CASP8: variants seen among roughly 807,000 people sequenced by gnomAD.
The protein encoded by CASP8 is caspase 8.
In CASP8, 24 loss-of-function variants were observed where a neutral mutation model predicts 46.3. The observed-to-expected ratio is 0.52, with a 90% CI of 0.38 to 0.73. The LOEUF (loss-of-function observed/expected upper bound fraction) is 0.73, where lower values mean the gene tolerates loss of function less well. Ranked by LOEUF, CASP8 falls within the 30% of genes least tolerant of loss-of-function variation. The probability of loss-of-function intolerance (pLI) is 0.00; values close to 1 mark genes in which losing one functional copy is unlikely to be tolerated. For synonymous variants in CASP8, 188 were observed against 200.4 expected (o/e 0.94, Z 0.52); for missense variants, 460 against 559.0 (o/e 0.82, Z 1.79).
Position 201,272,744 on chromosome 2 carries a change from A to G in CASP8, c.518A>G (p.Lys173Arg), listed in dbSNP as rs538291351. ...GCCCAAATCAACAAGAGCCTGCTGA[A>G]GATAATCAACGACTATGAAGAATTC... is the stretch of plus-strand genomic sequence containing the variant. ...VCAQINKSLLKIINDYEEFSK... is the reference protein window; with the variant it reads ...VCAQINKSLLRIINDYEEFSK... The change falls in exon 4 of 9, where the codon AAG (lysine) becomes AGG (arginine). Residue 173 changes from lysine (K) to arginine (R), a missense_variant. Transcript: ENST00000673742. The surrounding 1 kb of genome is among the most constrained non-coding windows in gnomAD (Gnocchi z 4.4). The G allele has an allele frequency of 1.9e-6, 3 of 1,614,200 alleles. No homozygotes were observed. The African/African-American group carries it at 4.0e-5, about 22-fold the overall frequency.
chr2:201,272,754 C>G lies in CASP8; in HGVS notation c.528C>G (p.Asn176Lys), dbSNP rs774015258. The G allele has an allele frequency of 6.2e-7, 1 of 1,614,112 alleles. No homozygotes were observed. Among genetic ancestry groups the G allele is most frequent in the Non-Finnish European group, 8.5e-7 (1 of 1,180,014 alleles). Residue 176 changes from asparagine to lysine, a missense_variant, in exon 4 of 9, where the codon AAC (asparagine) becomes AAG (lysine). Coordinates refer to ENST00000673742, the MANE Select transcript of CASP8 (RefSeq NM_001372051.1). This position sits in a 1 kb window ranked among gnomAD's most constrained non-coding sequence, Gnocchi z 4.4. The part of the protein sequence containing the change: ...QINKSLLKII[N>K]DYEEFSKERS... ...ACAAGAGCCTGCTGAAGATAATCAACGACTATGAAGAATTCAGCAAAGGTA... is the reference window on the plus strand; with the variant it reads ...ACAAGAGCCTGCTGAAGATAATCAAGGACTATGAAGAATTCAGCAAAGGTA...
At chr2:201,255,547 C>T (rs1202473674), upstream of CASP8, among the ~76,000 whole-genome samples, 6 of 152,164 alleles carry the variant, frequency 3.9e-5, no homozygotes, top group Admixed American at 2.0e-4. Context: ...TTCTGCTAGG[C>T]TGGGCCTGGG....
Position 201,266,647 on chromosome 2 carries a change from T to G in CASP8, c.161T>G (p.Leu54Trp). The change falls in exon 2 of 9, where the codon TTG becomes TGG. Residue 54 changes from leucine to tryptophan, a missense_variant. By Grantham distance (61) the Leu-to-Trp change is moderately conservative (BLOSUM62 -2). Transcript: ENST00000673742. The surrounding 1 kb of genome is among the most constrained non-coding windows in gnomAD (Gnocchi z 5.7). ...CAGAGACTCCAGGAAAAGAGAATGT[T>G]GGAGGAAAGCAATCTGTCCTTCCTG... ...LFQRLQEKRM[L>W]EESNLSFLKE... 6.2e-7 allele frequency: 1 copy of G among 1,614,120 alleles called. No individual in the cohort carries two copies. The highest frequency in any genetic ancestry group is 8.5e-7 in the Non-Finnish European group (1 of 1,179,988).
chr2:201,277,178 ATG>A (rs915567945), intron 7 of CASP8: 3 of 409,650 alleles, frequency 7.3e-6, no homozygotes, highest in Non-Finnish European at 1.3e-5. Context: ...AAAGTAATGT[ATG>A]TATAAATATA....
At chr2:201,279,967 A>C (rs1482390219) in intron 7 of CASP8, among the ~76,000 whole-genome samples, 1 of 152,158 alleles carries the variant, frequency 6.6e-6, no homozygotes, top group East Asian at 1.9e-4. Context: ...AAATAAATAA[A>C]TTACTAGATA....
At chr2:201,234,420 G>A (rs1466134038) in intron 2 of CASP8, among the ~76,000 whole-genome samples, 1 of 152,144 alleles carries the variant, frequency 6.6e-6, no homozygotes, top group South Asian at 2.1e-4. Context: ...TGCACTAAAT[G>A]ACAATGGCTC....
intron 2 of CASP8, among the ~76,000 whole-genome samples, chr2:201,249,581 T>G (rs923369691): frequency 2.0e-5 from 3 of 152,202 alleles, no homozygotes; most frequent in Admixed American, 6.5e-5. Context: ...TTTCTTATTG[T>G]TGAGTCTTAA....
chr2:201,276,020 C>G (rs576701193), intron 6 of CASP8, among the ~76,000 whole-genome samples: 1 of 152,284 alleles, frequency 6.6e-6, no homozygotes, highest in Non-Finnish European at 1.5e-5. Flanking sequence ...ATTAAGATAA[C>G]AGGTTATTTG....
chr2:201,264,974 C>T (rs1012254463), intron 1 of CASP8, among the ~76,000 whole-genome samples: 146 of 152,222 alleles, frequency 9.6e-4, no homozygotes, highest in African/African-American at 3.4e-3. Flanking sequence ...CAAACATGAT[C>T]GCAGTGGGGT....
intron 7 of CASP8, among the ~76,000 whole-genome samples, chr2:201,283,608 C>T (rs1348407381): frequency 2.3e-5 from 2 of 85,330 alleles, no homozygotes; most frequent in Admixed American, 9.4e-5. Context: ...GGCGGCTGGC[C>T]GGGCAGAGGG....
upstream of CASP8, chr2:201,258,123 T>C: frequency 7.9e-7 from 1 of 1,260,050 alleles, no homozygotes; most frequent in South Asian, 1.2e-5. Context: ...GACCAGATTC[T>C]GCCTTTCTGC....
intron 8 of CASP8, 52 bp from the exon 9 acceptor site, chr2:201,286,407 C>T (rs1576394748): frequency 1.9e-6 from 3 of 1,592,412 alleles, no homozygotes; most frequent in Non-Finnish European, 2.6e-6. Context: ...GGAGACAGTT[C>T]ATCAGTTGCT....
At chr2:201,264,538 G>A (rs190675995) in intron 1 of CASP8, among the ~76,000 whole-genome samples, 3 of 152,230 alleles carry the variant, frequency 2.0e-5, no homozygotes, top group Non-Finnish European at 2.9e-5. Context: ...CGATTGACAC[G>A]TGCTAGCAGT....
chr2:201,268,909 TTGTGTGTGTGTGTG>T (rs58087434), intron 2 of CASP8, among the ~76,000 whole-genome samples: 5,388 of 131,620 alleles, frequency 0.041, 180 homozygotes, highest in South Asian at 0.14. Context: ...GGCCTCATCT[TTGTGTGTGTGTGTG>T]TGTGTGTGTG....
At chr2:201,242,899 A>T (rs1250726531) in intron 2 of CASP8, 1 of 152,526 alleles carries the variant, frequency 6.6e-6, no homozygotes, top group African/African-American at 2.4e-5. Flanking sequence ...TATTTGCCTT[A>T]TAAAGGAGGG....
intron 7 of CASP8, among the ~76,000 whole-genome samples, chr2:201,284,552 CTGCAATCGCAGG>C (rs1363988077): frequency 1.4e-5 from 1 of 70,722 alleles, no homozygotes; most frequent in East Asian, 4.5e-4. Flanking sequence ...CGGCGCGCGC[CTGCAATCGCAGG>C]CACTCGGCAG....
At chr2:201,240,260 C>T (rs755874711) in intron 2 of CASP8, 1 of 152,146 alleles carries the variant, frequency 6.6e-6, no homozygotes, top group Admixed American at 6.5e-5. Flanking sequence ...CCTTTTCCCC[C>T]TACCCACAGA....
chr2:201,262,102 G>T (rs1381333998), intron 1 of CASP8: 1 of 152,028 alleles, frequency 6.6e-6, no homozygotes, highest in Non-Finnish European at 1.5e-5. Flanking sequence ...TTCTTCATGA[G>T]ATTCTTTCAC....
At chr2:201,251,714 C>A (rs995182487) in intron 2 of CASP8, among the ~76,000 whole-genome samples, 1 of 150,862 alleles carries the variant, frequency 6.6e-6, no homozygotes, top group African/African-American at 2.4e-5. Flanking sequence ...ACCAGCCCGA[C>A]CAACATGGTG....
Sources: gnomAD v4.1 joint callset for allele counts (sites outside exome capture counted in the v4.1 genomes callset) on GRCh38, gnomAD v4.1.1 for gene constraint, Gnocchi (gnomAD v3.1) non-coding constraint, MANE v1.5 for transcripts, NCBI Gene and HGNC (gene_info 2026-07-23, HGNC 2026-07-21) for gene names.